Variants in ITGB5 observed in about 807,000 individuals in gnomAD.
The protein encoded by ITGB5 is integrin beta-5.
ITGB5 carries 38 observed loss-of-function variants against 84.8 expected under a neutral mutation model. The ratio of observed to expected loss-of-function variants is 0.45; its 90% CI spans 0.35 to 0.59. ITGB5 has a LOEUF of 0.59. Among genes scored for constraint, ITGB5 ranks in the 20% least tolerant of loss-of-function variants. The pLI is 0.01. For synonymous variants in ITGB5, 393 were observed against 414.4 expected (o/e 0.95, Z 0.63); for missense variants, 905 against 1,034.5 (o/e 0.87, Z 1.72).
intron 1 of ITGB5, among the ~76,000 whole-genome samples, chr3:124,898,663 A>AAG (rs974766214): frequency 1.3e-5 from 2 of 148,368 alleles, no homozygotes; most frequent in South Asian, 2.2e-4. Flanking sequence ...AAAAAAAAAA[A>AAG]AAAAAAAGAA....
intron 10 of ITGB5, among the ~76,000 whole-genome samples, chr3:124,793,272 T>C (rs1294332629): frequency 6.6e-6 from 1 of 152,144 alleles, no homozygotes; most frequent in Non-Finnish European, 1.5e-5. Flanking sequence ...CACGCAGGCT[T>C]CTAGGGTGAA....
At chr3:124,804,108 T>C (rs891678160) in intron 9 of ITGB5, among the ~76,000 whole-genome samples, 1 of 151,952 alleles carries the variant, frequency 6.6e-6, no homozygotes, top group East Asian at 1.9e-4. Flanking sequence ...GTGGCTTCAG[T>C]TTTTTTTGCA....
At chr3:124,816,105 G>C (rs1321438200) in intron 8 of ITGB5, among the ~76,000 whole-genome samples, 2 of 152,144 alleles carry the variant, frequency 1.3e-5, no homozygotes, top group Non-Finnish European at 1.5e-5. Flanking sequence ...CAGGAGATGG[G>C]AGCAGTGGGA....
chr3:124,863,657 T>A (rs2065338177), intron 2 of ITGB5, among the ~76,000 whole-genome samples: 1 of 152,164 alleles, frequency 6.6e-6, no homozygotes, highest in South Asian at 2.1e-4. Flanking sequence ...TAGCTGGGAT[T>A]ACAAGCATGT....
intron 9 of ITGB5, among the ~76,000 whole-genome samples, chr3:124,797,681 C>T (rs1456969687): frequency 6.6e-6 from 1 of 152,154 alleles, no homozygotes; most frequent in Non-Finnish European, 1.5e-5. Context: ...AAGAATGAGG[C>T]TTGGTCTGAT....
intron 6 of ITGB5, 25 bp downstream of exon 6, chr3:124,821,288 G>C (rs747243400): frequency 6.3e-7 from 1 of 1,599,286 alleles, no homozygotes; most frequent in Admixed American, 1.7e-5. Flanking sequence ...CAACAGGGAG[G>C]GGGGATCTGG....
chr3:124,788,542 TG>T (rs2064114719), intron 10 of ITGB5, among the ~76,000 whole-genome samples: 1 of 152,222 alleles, frequency 6.6e-6, no homozygotes, highest in Non-Finnish European at 1.5e-5. Flanking sequence ...GATGAGTTAC[TG>T]AAGAATCCTG....
intron 8 of ITGB5, among the ~76,000 whole-genome samples, chr3:124,812,634 C>T (rs2064523121): frequency 1.3e-5 from 2 of 152,176 alleles, no homozygotes; most frequent in African/African-American, 2.4e-5. Context: ...CTCTCACCAG[C>T]ACTTATTACA....
At chr3:124,843,441 A>G (rs1490649499) in intron 4 of ITGB5, among the ~76,000 whole-genome samples, 1 of 152,218 alleles carries the variant, frequency 6.6e-6, no homozygotes, top group Non-Finnish European at 1.5e-5. Context: ...GAAAGCTGTG[A>G]CAAACTCAGC....
upstream of ITGB5, among the ~76,000 whole-genome samples, chr3:124,889,569 A>G (rs1934949853): frequency 6.6e-6 from 1 of 152,226 alleles, no homozygotes; most frequent in Non-Finnish European, 1.5e-5. Flanking sequence ...ATTTGGGGTT[A>G]ACATATTCTA....
chr3:124,802,287 G>A (rs547085197), intron 9 of ITGB5, among the ~76,000 whole-genome samples: 1 of 152,328 alleles, frequency 6.6e-6, no homozygotes, highest in East Asian at 1.9e-4. Context: ...TGTATGGCTT[G>A]GGGACACACG....
chr3:124,876,344 G>A (rs1487597936), intron 1 of ITGB5, among the ~76,000 whole-genome samples: 1 of 151,278 alleles, frequency 6.6e-6, no homozygotes, highest in African/African-American at 2.5e-5. Flanking sequence ...GAGAAGAAAT[G>A]CCAAAATAGG....
At chr3:124,787,906 G>GT (rs763469181) in intron 10 of ITGB5, 3 of 128,686 alleles carry the variant, frequency 2.3e-5, no homozygotes, top group African/African-American at 9.7e-5. Context: ...GAAACAGATA[G>GT]CTCTTTTTTT....
At chr3:124,766,145 T>G in intron 13 of ITGB5, 81 bp downstream of exon 13, 1 of 1,428,202 alleles carries the variant, frequency 7.0e-7, no homozygotes, top group African/African-American at 1.4e-5. Flanking sequence ...GAAAGGGCAG[T>G]GGTCCCAGAG....
intron 8 of ITGB5, among the ~76,000 whole-genome samples, chr3:124,812,878 C>A (rs1337524663): frequency 1.3e-5 from 2 of 152,178 alleles, no homozygotes; most frequent in Non-Finnish European, 2.9e-5. Flanking sequence ...ATGTTCCAAC[C>A]CAAATCTGCT....
chr3:124,790,470 C>T (rs1054607907), intron 10 of ITGB5, among the ~76,000 whole-genome samples: 1 of 150,768 alleles, frequency 6.6e-6, no homozygotes, highest in Non-Finnish European at 1.5e-5. Context: ...CCGCCTTTGA[C>T]TAGACAGGGT....
At chr3:124,798,848 C>A (rs762121413) in intron 9 of ITGB5, among the ~76,000 whole-genome samples, 1 of 152,172 alleles carries the variant, frequency 6.6e-6, no homozygotes, top group Non-Finnish European at 1.5e-5. Flanking sequence ...TCTAGGGACA[C>A]GGGGAGAGGG....
At chr3:124,889,163 G>C (rs1437321240), upstream of ITGB5, among the ~76,000 whole-genome samples, 3 of 152,194 alleles carry the variant, frequency 2.0e-5, no homozygotes, top group Non-Finnish European at 2.9e-5. Context: ...ACAAAGGACA[G>C]ACAGAACTCA....
intron 10 of ITGB5, among the ~76,000 whole-genome samples, chr3:124,785,864 T>C (rs1406944950): frequency 1.3e-5 from 2 of 152,198 alleles, no homozygotes; most frequent in Admixed American, 1.3e-4. Flanking sequence ...AGAACGCTTA[T>C]AAGGTAGGAC....
Sources: allele counts gnomAD v4.1 joint callset (sites outside exome capture counted in the v4.1 genomes callset), GRCh38; gene constraint gnomAD v4.1.1; transcripts MANE v1.5; gene names NCBI Gene and HGNC (gene_info 2026-07-23, HGNC 2026-07-21).